The following RTN4 variants were observed in gnomAD, a reference collection of about 807,000 sequenced individuals.
RTN4 encodes reticulon 4, also known as reticulon-4.
RTN4 carries 32 observed loss-of-function variants against 90.4 expected under a neutral mutation model. The ratio of observed to expected loss-of-function variants is 0.35; its 90% CI spans 0.27 to 0.48. RTN4 has a LOEUF of 0.48. Among genes scored for constraint, RTN4 ranks in the 20% least tolerant of loss-of-function variants. The probability of loss-of-function intolerance (pLI) is 0.99; values close to 1 mark genes in which losing one functional copy is unlikely to be tolerated. For synonymous variants in RTN4, 629 were observed against 552.5 expected, an observed-to-expected ratio of 1.14 and a Z score of -1.94; for missense variants, 1,706 against 1,430.2, an observed-to-expected ratio of 1.19 and a Z score of -3.11.
upstream of RTN4, among the ~76,000 whole-genome samples, chr2:55,052,559 G>A (rs1054787085): frequency 8.5e-5 from 13 of 152,106 alleles, no homozygotes; most frequent in Non-Finnish European, 1.8e-4. Flanking sequence ...TTTTTTGGAG[G>A]GGTTGGGAAG....
chr2:55,028,489 G>T (rs368732294), intron 1 of RTN4, among the ~76,000 whole-genome samples: 9 of 152,082 alleles, frequency 5.9e-5, no homozygotes, highest in African/African-American at 2.2e-4. Context: ...AGAAACTTAT[G>T]AATCAAAGTG....
At chr2:54,997,983 G>C (rs1481404959) in intron 3 of RTN4, among the ~76,000 whole-genome samples, 1 of 152,120 alleles carries the variant, frequency 6.6e-6, no homozygotes, top group Non-Finnish European at 1.5e-5. Flanking sequence ...AGGGGTCTTA[G>C]AGTCTTACCC....
chr2:55,070,780 T>C (rs1668496209), intron 2 of RTN4, among the ~76,000 whole-genome samples: 1 of 151,940 alleles, frequency 6.6e-6, no homozygotes, highest in Admixed American at 6.6e-5. Flanking sequence ...TTTGTTTTTT[T>C]GTTTTTCGTT....
intron 3 of RTN4, chr2:55,014,598 A>C (rs1573384263): frequency 6.6e-6 from 1 of 151,526 alleles, no homozygotes; most frequent in South Asian, 2.1e-4. Context: ...GCTCACTGCA[A>C]CCTCCACCTC....
intron 3 of RTN4, among the ~76,000 whole-genome samples, chr2:55,003,628 C>G (rs1170234803): frequency 6.6e-6 from 1 of 152,150 alleles, no homozygotes; most frequent in Non-Finnish European, 1.5e-5. Context: ...AGAGATGGGA[C>G]CAAGTGAATA....
intron 8 of RTN4, 52 bp downstream of exon 8, chr2:54,973,511 C>T: frequency 2.2e-6 from 3 of 1,370,502 alleles, no homozygotes; most frequent in South Asian, 1.2e-5. Context: ...ACTGTTCTCA[C>T]AATCCAGCAC....
chr2:55,073,175 G>C (rs971788879), intron 2 of RTN4, among the ~76,000 whole-genome samples: 1 of 152,212 alleles, frequency 6.6e-6, no homozygotes, highest in Non-Finnish European at 1.5e-5. Context: ...GTGTCTCACA[G>C]AAACCACTTT....
chr2:54,994,538 A>C (rs1044462707), intron 3 of RTN4, among the ~76,000 whole-genome samples: 1 of 152,204 alleles, frequency 6.6e-6, no homozygotes, highest in Non-Finnish European at 1.5e-5. Flanking sequence ...CCCTTTCAAG[A>C]TAAAACATTT....
chr2:55,061,942 C>T (rs568860114), intron 2 of RTN4, among the ~76,000 whole-genome samples: 5 of 152,238 alleles, frequency 3.3e-5, no homozygotes, highest in African/African-American at 1.2e-4. Flanking sequence ...GGCAAACACA[C>T]AAAAACGGCT....
At chr2:54,978,735 G>A (rs1677872537) in intron 5 of RTN4, among the ~76,000 whole-genome samples, 1 of 151,934 alleles carries the variant, frequency 6.6e-6, no homozygotes, top group South Asian at 2.1e-4. Flanking sequence ...CCAATAAAAA[G>A]CTACTTCCTA....
chr2:54,981,584 A>C (rs1412136619), intron 5 of RTN4, among the ~76,000 whole-genome samples: 1 of 152,240 alleles, frequency 6.6e-6, no homozygotes, highest in African/African-American at 2.4e-5. Flanking sequence ...CTACAGGTCC[A>C]GTGCTTCAGG....
chr2:55,048,581 T>C (rs1667905526), intron 1 of RTN4, among the ~76,000 whole-genome samples: 1 of 152,150 alleles, frequency 6.6e-6, no homozygotes, highest in South Asian at 2.1e-4. Context: ...AAGACGTCGC[T>C]AGGCGGCAGG....
chr2:55,053,698 A>AC (rs72059866), upstream of RTN4, among the ~76,000 whole-genome samples: 1,282 of 149,916 alleles, frequency 8.6e-3, 15 homozygotes, highest in African/African-American at 0.03. Flanking sequence ...AAAAAAAACA[A>AC]AAAAAAAAAG....
chr2:55,047,596 T>A (rs1406458221), intron 1 of RTN4, among the ~76,000 whole-genome samples: 2 of 152,030 alleles, frequency 1.3e-5, no homozygotes, highest in African/African-American at 4.8e-5. Flanking sequence ...ATCAGACTGA[T>A]TTTCTTTTAA....
intron 3 of RTN4, 120 bp downstream of exon 3, chr2:55,024,966 C>T: frequency 1.6e-6 from 2 of 1,243,198 alleles, no homozygotes; most frequent in Non-Finnish European, 2.2e-6. Flanking sequence ...GTGGAGAAGA[C>T]TTCTTACCAA....
the RTN4 span, among the ~76,000 whole-genome samples, chr2:55,132,460 G>A: frequency 6.6e-6 from 1 of 151,036 alleles, no homozygotes; most frequent in African/African-American, 2.4e-5. Flanking sequence ...CCAAGATGGT[G>A]CCACTGCACT....
intron 3 of RTN4, among the ~76,000 whole-genome samples, chr2:55,010,876 C>T (rs562972172): frequency 6.6e-6 from 1 of 152,278 alleles, no homozygotes; most frequent in South Asian, 2.1e-4. Flanking sequence ...CATACACTTA[C>T]TCTTAATCAT....
Position 55,094,961 on chromosome 2 carries a change from C to T in RTN4, c.-213-14322G>A, listed in dbSNP as rs1195232019. 6.6e-5 allele frequency among the ~76,000 whole-genome samples: 10 copies of T among 152,220 alleles called. 1 individual carries two copies. Among genetic ancestry groups the T allele is most frequent in the African/African-American group, 2.4e-4 (10 of 41,544 alleles). On this transcript the variant is annotated intron_variant, in intron 1 of 3. Transcript: ENST00000427710. ...ATGGTTTCCGAGTGACCTCCTACTC[C>T]ACACAAGTCCTCCTCTTGTATTTCC...
intron 3 of RTN4, among the ~76,000 whole-genome samples, chr2:55,003,319 C>A (rs1045657907): frequency 2.0e-5 from 3 of 152,000 alleles, no homozygotes; most frequent in Admixed American, 2.0e-4. Context: ...TTTTAAATTG[C>A]TTTGAGCTTC....
Sources: allele counts gnomAD v4.1 joint callset (sites outside exome capture counted in the v4.1 genomes callset), GRCh38; gene constraint gnomAD v4.1.1; transcripts MANE v1.5; gene names NCBI Gene and HGNC (gene_info 2026-07-23, HGNC 2026-07-21).